MYH11: variants seen among roughly 807,000 people sequenced by gnomAD.
The protein encoded by MYH11 is myosin heavy chain 11.
MYH11 carries 80 observed loss-of-function variants against 246.6 expected under a neutral mutation model. That is an observed-to-expected ratio of 0.32 (90% CI 0.27 to 0.39). The LOEUF (loss-of-function observed/expected upper bound fraction) is 0.39. Ranked by LOEUF, MYH11 falls within the 10% of genes least tolerant of loss-of-function variation. The pLI is 1.00. For missense variants in MYH11, 2,158 were observed against 2,546.8 expected, an observed-to-expected ratio of 0.85 and a Z score of 3.29; for synonymous variants, 1,071 against 1,015.5, an observed-to-expected ratio of 1.05 and a Z score of -1.04.
intron 35 of MYH11, 54 bp downstream of exon 35, chr16:15,719,531 G>A: frequency 1.2e-6 from 2 of 1,611,736 alleles, no homozygotes; most frequent in Non-Finnish European, 8.5e-7. Context: ...AGCTGCCAAG[G>A]GGTGCTACCG....
chr16:15,714,810 G>C lies in MYH11; in HGVS notation c.5786+99C>G. 4 of 1,431,720 alleles carry C rather than the reference G, an allele frequency of 2.8e-6. No individual in the cohort carries two copies. The South Asian group carries it at 4.6e-5, about 16-fold the overall frequency. The allele number at this position is 1,431,720 out of a possible 1,614,324, so 88.7% of individuals were successfully genotyped here. On this transcript the variant is annotated intron_variant, in intron 40 of 40. Transcript: ENST00000300036. The stretch of plus-strand genomic sequence containing the variant: ...TAAACCACAGAAGGGAGTGGCGGCT[G>C]TGGGCACAAGGGGCATTTGCAGGCC...
In MYH11 at chr16:15,805,897, C is replaced by G. The variant is rs576658517; in HGVS notation, c.503-7210G>C. On this transcript the variant is annotated intron_variant, in intron 3 of 40. Transcript: ENST00000300036. ...CACCACGGTACTCCAGCTGGGGTGACAGAGACAGACCCTGTCTTAAAAAAT... is the reference window on the plus strand; with the variant it reads ...CACCACGGTACTCCAGCTGGGGTGAGAGAGACAGACCCTGTCTTAAAAAAT... 6.6e-5 allele frequency among the ~76,000 whole-genome samples: 10 copies of G among 152,188 alleles called. No individual in the cohort carries two copies. In the East Asian group the frequency reaches 1.7e-3, roughly 26 times the overall value.
chr16:15,740,984 C>T (rs1216383772), intron 22 of MYH11, among the ~76,000 whole-genome samples: 1 of 152,126 alleles, frequency 6.6e-6, no homozygotes, highest in East Asian at 1.9e-4. Flanking sequence ...AGGCCTCCTC[C>T]AACAGCTGTG....
At chr16:15,761,690 A>G (rs1478157572) in intron 10 of MYH11, among the ~76,000 whole-genome samples, 1 of 152,182 alleles carries the variant, frequency 6.6e-6, no homozygotes, top group East Asian at 1.9e-4. Flanking sequence ...GGCAGAGTAA[A>G]TAGAGTGATT....
intron 2 of MYH11, among the ~76,000 whole-genome samples, chr16:15,826,996 CAAAAAAAA>C (rs10573425): frequency 0.018 from 1,046 of 58,000 alleles, 22 homozygotes; most frequent in African/African-American, 0.049. Flanking sequence ...GAACCCATCT[CAAAAAAAA>C]AAAAAAAAAA....
chr16:15,725,090 G>T, intron 28 of MYH11, 98 bp from the exon 29 acceptor site: 1 of 938,370 alleles, frequency 1.1e-6, no homozygotes, highest in Non-Finnish European at 1.7e-6. Context: ...AGTACTTGAG[G>T]TGTTCACTGA....
chr16:15,731,281 G>T (rs527402351), intron 27 of MYH11, among the ~76,000 whole-genome samples: 6 of 152,252 alleles, frequency 3.9e-5, no homozygotes, highest in African/African-American at 7.2e-5. Context: ...TCCTGTAGAG[G>T]CCAGAAAGTG....
chr16:15,774,209 G>A lies in MYH11; in HGVS notation c.889+1869C>T, dbSNP rs1391163499. ...TCACGAGGATTGAGGTCTTTGCCAA[G>A]ACTTCATTATCCCGAGTTTGGATGC... On this transcript the variant is annotated intron_variant, in intron 8 of 40. Transcript: ENST00000300036. Among the ~76,000 whole-genome samples, 4 of 152,302 alleles carry A rather than the reference G, an allele frequency of 2.6e-5. No homozygotes were observed. In the East Asian group the frequency reaches 7.7e-4, roughly 29 times the overall value.
intron 26 of MYH11, chr16:15,732,919 C>T (rs957532949): frequency 2.1e-5 from 13 of 615,134 alleles, no homozygotes; most frequent in Non-Finnish European, 2.6e-5. Flanking sequence ...CTGCCTAGGA[C>T]ATCTGTAATG....
intron 5 of MYH11, among the ~76,000 whole-genome samples, chr16:15,783,798 A>G (rs4781691): frequency 0.11 from 16,328 of 152,088 alleles, 1,099 homozygotes; most frequent in Admixed American, 0.14. Context: ...CAAACCCTCA[A>G]TTTTATAGAT....
At chr16:15,769,686 C>G (rs1417684077) in intron 9 of MYH11, among the ~76,000 whole-genome samples, 1 of 152,216 alleles carries the variant, frequency 6.6e-6, no homozygotes, top group Non-Finnish European at 1.5e-5. Context: ...CTTGGCTTCT[C>G]AAAGTGCTGG....
Position 15,721,042 on chromosome 16 carries a change from G to A in MYH11, c.4588C>T (p.Leu1530=). The A allele has an allele frequency of 6.2e-7, 1 of 1,613,890 alleles. No individual in the cohort carries two copies. Among genetic ancestry groups the A allele is most frequent in the Non-Finnish European group, 8.5e-7 (1 of 1,180,008 alleles). The change falls in exon 33 of 41, where the codon CTG becomes TTG. Residue 1530 remains leucine, a synonymous_variant. Coordinates refer to ENST00000300036, the MANE Select transcript of MYH11 (RefSeq NM_002474.3). ...TCCAGGGCCCGCTTGGACTTCTCCA[G>A]CTCATGGACCTGCCGGCAGAGCGGG... is the stretch of plus-strand genomic sequence containing the variant. The part of the protein sequence containing the change: ...KDDVGKNVHE[L]EKSKRALETQ...
intron 11 of MYH11, 135 bp downstream of exon 11, chr16:15,760,405 G>T: frequency 1.3e-6 from 1 of 784,072 alleles, no homozygotes; most frequent in Non-Finnish European, 2.3e-6. Context: ...TAGAAAGATG[G>T]ATGGATGGAC....
rs1233216028 is a variant in MYH11, at chr16:15,806,150, G to A, written c.503-7463C>T. ...AAATTAGCCAGGTGTGGTGGCACGT[G>A]CCTATAGTCCCAGCTACTCGGGAGG... On this transcript the variant is annotated intron_variant, in intron 3 of 40. Transcript: ENST00000300036. 2.0e-5 allele frequency among the ~76,000 whole-genome samples: 3 copies of A among 151,494 alleles called. No homozygotes were observed. The East Asian group carries it at 5.8e-4, about 29-fold the overall frequency.
At chr16:15,738,370 G>T (rs1339245595) in intron 24 of MYH11, among the ~76,000 whole-genome samples, 195 bp downstream of exon 24, 2 of 152,010 alleles carry the variant, frequency 1.3e-5, no homozygotes, top group Admixed American at 1.3e-4. Flanking sequence ...AAAATTAGCT[G>T]GGTGTGGTGA....
rs745358193 is a variant in MYH11 at position 15,726,838 on chromosome 16, A to G, written c.3858+10T>C. 3 of 1,610,490 alleles carry G rather than the reference A, an allele frequency of 1.9e-6. No homozygotes were observed. The highest frequency in any genetic ancestry group is 1.3e-5 in the African/African-American group (1 of 74,636). On this transcript the variant is annotated intron_variant, in intron 28 of 40. Coordinates refer to ENST00000300036, the MANE Select transcript of MYH11 (RefSeq NM_002474.3). Reference sequence around the variant, plus strand: ...GCACTGCCCACCACACCACCGCGCCACCTCCTCACCTGCAGCTTGTGGACT... The same window carrying G: ...GCACTGCCCACCACACCACCGCGCCGCCTCCTCACCTGCAGCTTGTGGACT...
At chr16:15,746,011 G>A (rs1014822604) in intron 19 of MYH11, among the ~76,000 whole-genome samples, 1 of 152,078 alleles carries the variant, frequency 6.6e-6, no homozygotes, top group Middle Eastern at 3.2e-3. Context: ...CAAATTCCTG[G>A]GCTTAAATGA....
intron 9 of MYH11, among the ~76,000 whole-genome samples, chr16:15,767,748 CAGAAG>C (rs2042014910): frequency 6.6e-6 from 1 of 151,802 alleles, no homozygotes; most frequent in Non-Finnish European, 1.5e-5. Flanking sequence ...TTATGATGGA[CAGAAG>C]AGAAGACCCA....
At chr16:15,729,292 T>C (rs943785483) in intron 27 of MYH11, among the ~76,000 whole-genome samples, 3 of 151,988 alleles carry the variant, frequency 2.0e-5, no homozygotes, top group African/African-American at 7.3e-5. Flanking sequence ...TGGAACCAGG[T>C]CTCTACATCA....
Sources: gnomAD v4.1 joint callset for allele counts (sites outside exome capture counted in the v4.1 genomes callset) on GRCh38, gnomAD v4.1.1 for gene constraint, MANE v1.5 for transcripts, NCBI Gene and HGNC (gene_info 2026-07-23, HGNC 2026-07-21) for gene names.